IL21: variants seen among roughly 807,000 people sequenced by gnomAD.
IL21 encodes the protein interleukin-21.
Under a neutral mutation model 18.4 loss-of-function variants are expected in IL21, and 3 were observed. The observed-to-expected ratio is 0.16, with a 90% CI of 0.07 to 0.42. The LOEUF is 0.42. IL21 is among the 10% of genes least tolerant of loss of function. IL21 has a pLI of 0.99. For missense variants in IL21, 130 were observed against 188.4 expected, an observed-to-expected ratio of 0.69 and a Z score of 1.81; for synonymous variants, 37 against 62.0, an observed-to-expected ratio of 0.60 and a Z score of 1.90.
chr4:122,614,099 T>C (rs548224974), intron 3 of IL21, among the ~76,000 whole-genome samples: 10 of 152,354 alleles, frequency 6.6e-5, no homozygotes, highest in African/African-American at 2.4e-4. Context: ...ATAGTAGATA[T>C]ACGTTCTAAT....
At chr4:122,614,031 TTGGTAGTTAGCA>T (rs1237834696) in intron 3 of IL21, among the ~76,000 whole-genome samples, 4 of 152,224 alleles carry the variant, frequency 2.6e-5, no homozygotes, top group Non-Finnish European at 5.9e-5. Context: ...AAGCCATTGC[TTGGTAGTTAGCA>T]TCTCAATGCC....
At chr4:122,615,396 G>A (rs1799322484) in intron 3 of IL21, among the ~76,000 whole-genome samples, 1 of 152,100 alleles carries the variant, frequency 6.6e-6, no homozygotes. Flanking sequence ...ATGGTGGCGG[G>A]CACCTGTAGT....
chr4:122,617,928 AC>A (rs1799362643), intron 2 of IL21, among the ~76,000 whole-genome samples: 1 of 152,200 alleles, frequency 6.6e-6, no homozygotes, highest in Non-Finnish European at 1.5e-5. Context: ...GAAAAGATTA[AC>A]CTTGATTTAG....
rs752671868 is a variant in IL21, at chr4:122,612,708, C to T, written c.*2G>A. On this transcript the variant is annotated 3_prime_UTR_variant, in exon 5 of 5. Coordinates refer to ENST00000648588, the MANE Select transcript of IL21 (RefSeq NM_021803.4). ...CATAGTGTCCAACTGCAAGTTAGATCCTCAGGAATCTTCACTTCCGTGTGT... is the reference window on the plus strand; with the variant it reads ...CATAGTGTCCAACTGCAAGTTAGATTCTCAGGAATCTTCACTTCCGTGTGT... 8 of 1,602,568 alleles carry T rather than the reference C, an allele frequency of 5.0e-6. No individual in the cohort carries two copies. The highest frequency in any genetic ancestry group is 6.8e-6 in the Non-Finnish European group (8 of 1,170,154).
Position 122,611,987 on chromosome 4 carries a change from A to G in IL21, c.*723T>C, listed in dbSNP as rs13129806. On this transcript the variant is annotated 3_prime_UTR_variant, in exon 5 of 5. Coordinates refer to ENST00000648588, the MANE Select transcript of IL21 (RefSeq NM_021803.4). Reference sequence around the variant, plus strand: ...TTTAAATTGCCATTTCCACAAGCTTAAAATGTTAGCTTATAAGGGGACTGG... The same window carrying G: ...TTTAAATTGCCATTTCCACAAGCTTGAAATGTTAGCTTATAAGGGGACTGG... 0.1 allele frequency among the ~76,000 whole-genome samples: 15,511 copies of G among 152,108 alleles called. 1,054 individuals carry two copies. Among genetic ancestry groups the G allele is most frequent in the Non-Finnish European group, 0.16 (10,962 of 67,942 alleles).
At chr4:122,615,235 G>T (rs1373347981) in intron 3 of IL21, among the ~76,000 whole-genome samples, 6 of 152,120 alleles carry the variant, frequency 3.9e-5, no homozygotes, top group African/African-American at 1.4e-4. Flanking sequence ...AATGCACCAC[G>T]TATAGGCCGG....
chr4:122,613,039 C>G lies in IL21; in HGVS notation c.361-111G>C. 2 of 650,534 alleles carry G rather than the reference C, an allele frequency of 3.1e-6. 1 individual carries two copies. Among genetic ancestry groups the G allele is most frequent in the South Asian group, 4.1e-5 (2 of 48,370 alleles). 40.3% of individuals were successfully genotyped at this position (650,534 alleles called of 1,614,324 possible). ...TAAATTATGTTCACTGAAAAACATT[C>G]GAGAAGTACATAAAACTGTTTGGAA... On this transcript the variant is annotated intron_variant, in intron 3 of 4. Coordinates refer to ENST00000648588, the MANE Select transcript of IL21 (RefSeq NM_021803.4).
At chr4:122,613,646 C>T (rs1350855675) in intron 3 of IL21, among the ~76,000 whole-genome samples, 1 of 152,150 alleles carries the variant, frequency 6.6e-6, no homozygotes, top group Admixed American at 6.5e-5. Context: ...GCCACCACAC[C>T]CAGCTGTATC....
intron 2 of IL21, among the ~76,000 whole-genome samples, chr4:122,618,637 T>C (rs1799375889): frequency 6.6e-6 from 1 of 151,668 alleles, no homozygotes; most frequent in African/African-American, 2.4e-5. Context: ...AAACCCCGTC[T>C]CTACTAAAAA....
At chr4:122,619,387 C>T (rs1315519947) in intron 2 of IL21, 1 of 152,090 alleles carries the variant, frequency 6.6e-6, no homozygotes, top group African/African-American at 2.4e-5. Context: ...CAGATAGATA[C>T]AGTATCACGG....
In IL21 at chr4:122,611,871, T is replaced by C. The variant is rs1799266797; in HGVS notation, c.*839A>G. Reference sequence around the variant, plus strand: ...TGGAGTTACTAGCTTGCTCATAATATGATCATTATAACAGTTTGAGAAGAG... The same window carrying C: ...TGGAGTTACTAGCTTGCTCATAATACGATCATTATAACAGTTTGAGAAGAG... On this transcript the variant is annotated 3_prime_UTR_variant, in exon 5 of 5. Transcript: ENST00000648588. 6.6e-6 allele frequency among the ~76,000 whole-genome samples: 1 copy of C among 152,188 alleles called. No individual in the cohort carries two copies. Among genetic ancestry groups the C allele is most frequent in the Admixed American group, 6.5e-5 (1 of 15,274 alleles).
rs567396218 is a variant in IL21 at position 122,619,809 on chromosome 4, CAT to C, written c.204+890_204+891del. On this transcript the variant is annotated intron_variant, in intron 2 of 4. Coordinates refer to ENST00000648588, the MANE Select transcript of IL21 (RefSeq NM_021803.4). ...CTCATTCACTTTCTAAACTTTTACA[CAT>C]AGTCATTTACGATAATTGTTTTCTT... 2.2e-4 allele frequency among the ~76,000 whole-genome samples: 34 copies of C among 152,364 alleles called. 1 individual carries two copies. In the South Asian group the frequency reaches 6.6e-3, roughly 30 times the overall value.
chr4:122,618,159 C>T (rs1313313426), intron 2 of IL21, among the ~76,000 whole-genome samples: 6 of 152,152 alleles, frequency 3.9e-5, no homozygotes, highest in East Asian at 1.9e-4. Context: ...TAAAGTCAAA[C>T]GCAAGAATTA....
In IL21 at chr4:122,615,920, C is replaced by G. The variant is rs1799331235; in HGVS notation, c.205-83G>C. The G allele has an allele frequency of 2.2e-5, 26 of 1,188,850 alleles. No individual in the cohort carries two copies. The South Asian group carries it at 3.5e-4, about 16-fold the overall frequency. The allele number at this position is 1,188,850 out of a possible 1,614,324, so 73.6% of individuals were successfully genotyped here. ...AGCTTTCCCAATCCTCTATTTCTAT[C>G]TCTTCTGCAATGTCGTGCATTACAT... is the stretch of plus-strand genomic sequence containing the variant. On this transcript the variant is annotated intron_variant, in intron 2 of 4. Transcript: ENST00000648588.
rs1310033887 is a variant in IL21 at position 122,610,862 on chromosome 4, C to G, written c.*1848G>C. Among the ~76,000 whole-genome samples, 1 of 152,112 alleles carries G rather than the reference C, an allele frequency of 6.6e-6. No individual in the cohort carries two copies. The stretch of plus-strand genomic sequence containing the variant: ...CCAATGCATTGCCTTTCCTGGAGTG[C>G]TGGTGGGTTTAACTCTGGTTAAACA... On this transcript the variant is annotated 3_prime_UTR_variant, in exon 5 of 5. Transcript: ENST00000648588.
chr4:122,614,003 A>G (rs1485444847), intron 3 of IL21, among the ~76,000 whole-genome samples: 2 of 152,186 alleles, frequency 1.3e-5, no homozygotes, highest in Admixed American at 6.5e-5. Context: ...CTTTATCCCT[A>G]TTTAGATACC....
At chr4:122,620,003 T>G (rs1404572800) in intron 2 of IL21, 5 of 152,230 alleles carry the variant, frequency 3.3e-5, no homozygotes, top group Non-Finnish European at 5.9e-5. Flanking sequence ...TAGAAGTTAC[T>G]GGAGAAAAAG....
At chr4:122,620,811 A>T (rs777267760) in intron 1 of IL21, 33 bp downstream of exon 1, 1 of 1,612,266 alleles carries the variant, frequency 6.2e-7, no homozygotes, top group Non-Finnish European at 8.5e-7. Flanking sequence ...GAAAAGTATG[A>T]TTTAGATTTT....
chr4:122,615,303 C>T (rs1349185441), intron 3 of IL21, among the ~76,000 whole-genome samples: 2 of 152,152 alleles, frequency 1.3e-5, no homozygotes, highest in African/African-American at 2.4e-5. Context: ...GGGCGGATCA[C>T]GGGGTCAGGA....
Sources: allele counts gnomAD v4.1 joint callset (sites outside exome capture counted in the v4.1 genomes callset), GRCh38; gene constraint gnomAD v4.1.1; transcripts MANE v1.5; gene names NCBI Gene and HGNC (gene_info 2026-07-23, HGNC 2026-07-21).